Variants in ADAMTS3 observed in about 807,000 individuals in gnomAD.
ADAMTS3 encodes ADAM metallopeptidase with thrombospondin type 1 motif 3, also known as A disintegrin and metalloproteinase with thrombospondin motifs 3.
Under a neutral mutation model 129.0 loss-of-function variants are expected in ADAMTS3, and 73 were observed. The ratio of observed to expected loss-of-function variants is 0.57; its 90% CI spans 0.47 to 0.69. ADAMTS3 has a LOEUF of 0.69. Ranked by LOEUF, ADAMTS3 falls within the 30% of genes least tolerant of loss-of-function variation. The pLI is 0.00. For synonymous variants in ADAMTS3, 477 were observed against 510.8 expected (o/e 0.93, Z 0.89); for missense variants, 1,457 against 1,514.5 (o/e 0.96, Z 0.63).
intron 3 of ADAMTS3, among the ~76,000 whole-genome samples, chr4:72,500,794 A>C (rs1396246037): frequency 6.6e-6 from 1 of 152,068 alleles, no homozygotes; most frequent in Non-Finnish European, 1.5e-5. Flanking sequence ...TTTTTATATA[A>C]AGTGAAAGGT....
chr4:72,516,060 C>G (rs374033129), intron 3 of ADAMTS3, among the ~76,000 whole-genome samples: 32 of 152,148 alleles, frequency 2.1e-4, no homozygotes, highest in African/African-American at 6.0e-4. Flanking sequence ...CATATGGCTA[C>G]CCAGTTTTCC....
chr4:72,317,833 C>T (rs1416458963), intron 10 of ADAMTS3, among the ~76,000 whole-genome samples: 2 of 152,168 alleles, frequency 1.3e-5, no homozygotes, highest in Middle Eastern at 3.4e-3. Flanking sequence ...TTGAGACTAG[C>T]CTGGCCAATA....
intron 3 of ADAMTS3, among the ~76,000 whole-genome samples, chr4:72,429,516 T>C (rs1393811306): frequency 6.6e-6 from 1 of 152,070 alleles, no homozygotes; most frequent in Non-Finnish European, 1.5e-5. Flanking sequence ...CTTTTTGATC[T>C]TAGACATTAT....
At chr4:72,310,433 C>G (rs1031537138) in intron 14 of ADAMTS3, among the ~76,000 whole-genome samples, 1 of 152,044 alleles carries the variant, frequency 6.6e-6, no homozygotes, top group Non-Finnish European at 1.5e-5. Context: ...ATTAATACAG[C>G]ACTTCAGTTT....
At chr4:72,527,944 C>T (rs538217928) in intron 3 of ADAMTS3, among the ~76,000 whole-genome samples, 1 of 152,116 alleles carries the variant, frequency 6.6e-6, no homozygotes, top group Non-Finnish European at 1.5e-5. Flanking sequence ...CTCATCAGAG[C>T]ACCTACCACA....
intron 4 of ADAMTS3, among the ~76,000 whole-genome samples, chr4:72,385,083 G>C (rs2109884293): frequency 6.6e-6 from 1 of 152,186 alleles, no homozygotes; most frequent in South Asian, 2.1e-4. Flanking sequence ...TACAGGCTGA[G>C]GCAGGAGAAT....
At chr4:72,323,209 AAT>A (rs1435956481) in intron 5 of ADAMTS3, 112 bp from the exon 6 acceptor site, 1 of 762,250 alleles carries the variant, frequency 1.3e-6, no homozygotes, top group Non-Finnish European at 2.3e-6. Context: ...GCTGTTTTTA[AAT>A]TGAGTTTAAT....
intron 4 of ADAMTS3, among the ~76,000 whole-genome samples, chr4:72,400,160 T>C (rs865940500): frequency 7.0e-6 from 1 of 143,488 alleles, no homozygotes; most frequent in African/African-American, 2.6e-5. Flanking sequence ...TGTATATATA[T>C]GTGTGTATAT....
chr4:72,565,470 T>C (rs1045258937), intron 2 of ADAMTS3, among the ~76,000 whole-genome samples: 1 of 152,204 alleles, frequency 6.6e-6, no homozygotes, highest in African/African-American at 2.4e-5. Context: ...AACTAATCAC[T>C]GTACATAAGA....
intron 3 of ADAMTS3, among the ~76,000 whole-genome samples, chr4:72,424,300 A>C (rs1722518163): frequency 6.6e-6 from 1 of 152,100 alleles, no homozygotes; most frequent in South Asian, 2.1e-4. Context: ...TCTAACCTTA[A>C]CCAGGAACAT....
chr4:72,472,481 A>G (rs189460668), intron 3 of ADAMTS3, among the ~76,000 whole-genome samples: 1 of 152,264 alleles, frequency 6.6e-6, no homozygotes, highest in Admixed American at 6.5e-5. Flanking sequence ...TTCCATGAAA[A>G]TCAGTTTGTT....
rs541094952 is a variant in ADAMTS3, at chr4:72,367,666, T to C, written c.662-27973A>G. Among the ~76,000 whole-genome samples, 7 of 152,158 alleles carry C rather than the reference T, an allele frequency of 4.6e-5. No homozygotes were observed. In the South Asian group the frequency reaches 1.2e-3, roughly 27 times the overall value. ...GAGATCAAGACCATCCTGGCTAACATGGTGAAACCCTGTCTCTCCTAAAAA... is the reference window on the plus strand; with the variant it reads ...GAGATCAAGACCATCCTGGCTAACACGGTGAAACCCTGTCTCTCCTAAAAA... On this transcript the variant is annotated intron_variant, in intron 4 of 21. Transcript: ENST00000286657.
At chr4:72,505,101 G>A (rs1002665776) in intron 3 of ADAMTS3, among the ~76,000 whole-genome samples, 2 of 152,186 alleles carry the variant, frequency 1.3e-5, no homozygotes, top group African/African-American at 2.4e-5. Flanking sequence ...TGGAGAGTTA[G>A]TGAGACCCTT....
intron 3 of ADAMTS3, among the ~76,000 whole-genome samples, chr4:72,530,621 T>C (rs1275233836): frequency 1.2e-5 from 1 of 85,782 alleles, no homozygotes; most frequent in Non-Finnish European, 2.0e-5. Flanking sequence ...TTATATAATA[T>C]ATATTATTAT....
At chr4:72,481,139 A>T (rs1022831754) in intron 3 of ADAMTS3, among the ~76,000 whole-genome samples, 11 of 152,190 alleles carry the variant, frequency 7.2e-5, no homozygotes, top group Non-Finnish European at 8.8e-5. Context: ...CAAACTTGTG[A>T]ACAAGCTTGA....
intron 3 of ADAMTS3, among the ~76,000 whole-genome samples, chr4:72,479,159 C>T (rs1299077798): frequency 2.6e-5 from 4 of 152,116 alleles, no homozygotes; most frequent in Non-Finnish European, 5.9e-5. Flanking sequence ...CATCAAGCTA[C>T]CAATGACTTT....
intron 1 of ADAMTS3, 56 bp from the exon 2 acceptor site, chr4:72,567,457 C>T (rs1336959504): frequency 1.2e-5 from 18 of 1,552,742 alleles, no homozygotes; most frequent in Non-Finnish European, 1.6e-5. Flanking sequence ...ATCTTATCAC[C>T]TTGTGAGTTT....
At chr4:72,540,854 T>C (rs1157148872) in intron 3 of ADAMTS3, among the ~76,000 whole-genome samples, 1 of 152,208 alleles carries the variant, frequency 6.6e-6, no homozygotes, top group Non-Finnish European at 1.5e-5. Context: ...TGTATGGAAA[T>C]GCCTGGATGT....
chr4:72,378,690 AT>A (rs887401632), intron 4 of ADAMTS3, among the ~76,000 whole-genome samples: 17 of 151,846 alleles, frequency 1.1e-4, no homozygotes, highest in African/African-American at 3.6e-4. Flanking sequence ...GATTATCACT[AT>A]TCCCATTATC....
Sources: allele counts gnomAD v4.1 joint callset (sites outside exome capture counted in the v4.1 genomes callset), GRCh38; gene constraint gnomAD v4.1.1; transcripts MANE v1.5; gene names NCBI Gene and HGNC (gene_info 2026-07-23, HGNC 2026-07-21).